GYS2: variants seen among roughly 807,000 people sequenced by gnomAD.
GYS2 encodes glycogen [starch] synthase, liver.
GYS2 carries 80 observed loss-of-function variants against 85.6 expected under a neutral mutation model. The ratio of observed to expected loss-of-function variants is 0.93; its 90% confidence interval spans 0.78 to 1.13. The LOEUF (loss-of-function observed/expected upper bound fraction) is 1.13. Among genes scored for constraint, GYS2 ranks in the 50% most tolerant of loss-of-function variants. GYS2 has a pLI of 0.00. For missense variants in GYS2, 881 were observed against 854.9 expected (o/e 1.03, Z -0.38); for synonymous variants, 328 against 300.7 (o/e 1.09, Z -0.94).
intron 12 of GYS2, among the ~76,000 whole-genome samples, chr12:21,546,063 T>C (rs1029654222): frequency 1.3e-5 from 2 of 152,110 alleles, no homozygotes; most frequent in African/African-American, 2.4e-5. Context: ...AACCTTTATA[T>C]CACATTCCTT....
At position 21,560,479 on chromosome 12, in the gene GYS2, T is replaced by G. The variant is rs905014301; in HGVS notation, c.1076A>C (p.Asp359Ala). 2.0e-6 allele frequency: 3 copies of G among 1,502,008 alleles called. No individual in the cohort carries two copies. Among genetic ancestry groups the G allele is most frequent in the African/African-American group, 1.4e-5 (1 of 73,078 alleles). 93.0% of individuals were successfully genotyped at this position (1,502,008 alleles called of 1,614,324 possible). A position where few individuals can be genotyped will look rare whatever the true frequency, so the allele number is the denominator to read the frequency against. Residue 359 changes from aspartate (D) to alanine (A), a missense_variant, in exon 8 of 16, where the codon GAC becomes GCC. Coordinates refer to ENST00000261195, the MANE Select transcript of GYS2 (RefSeq NM_021957.4). Reference sequence around the variant, plus strand: ...AATGAAAAACACCATCACTGTGATGTCACTTTTATGCATCTGATGAGGAAT... The same window carrying G: ...AATGAAAAACACCATCACTGTGATGGCACTTTTATGCATCTGATGAGGAAT... ...LNFLLRMHKS[D>A]ITVMVFFIMP...
chr12:21,540,430 C>T lies in GYS2; in HGVS notation c.1789G>A (p.Asp597Asn), dbSNP rs750238325. 2.5e-6 allele frequency: 4 copies of T among 1,614,058 alleles called. No individual in the cohort carries two copies. Among genetic ancestry groups the T allele is most frequent in the Non-Finnish European group, 3.4e-6 (4 of 1,179,952 alleles). Reference sequence around the variant, plus strand: ...CTTACTCTGCCTAAGTATCTCCAATCCAGAAGATCTGAGAGCCTCTCAGTT... The same window carrying T: ...CTTACTCTGCCTAAGTATCTCCAATTCAGAAGATCTGAGAGCCTCTCAGTT... ...NRTERLSDLL[D>N]WRYLGRYYQH... The change falls in exon 14 of 16, where the codon GAT becomes AAT. Residue 597 changes from aspartate to asparagine, a missense_variant. Coordinates refer to ENST00000261195, the MANE Select transcript of GYS2 (RefSeq NM_021957.4).
chr12:21,604,035 C>T (rs1393430424), intron 1 of GYS2, among the ~76,000 whole-genome samples: 1 of 152,070 alleles, frequency 6.6e-6, no homozygotes, highest in East Asian at 1.9e-4. Flanking sequence ...ATGAAACATT[C>T]TTAAGCATTT....
downstream of GYS2, chr12:21,535,027 A>G (rs10770827): frequency 0.97 from 148,333 of 152,394 alleles, 72,215 homozygotes; most frequent in East Asian, 1. Context: ...TACAGTGGAG[A>G]GATGGAGTCA....
rs1565598126 is a variant in GYS2 at position 21,558,214 on chromosome 12, T to G, written c.1408A>C (p.Thr470Pro). 6.2e-7 allele frequency: 1 copy of G among 1,601,706 alleles called. No individual in the cohort carries two copies. Among genetic ancestry groups the G allele is most frequent in the Non-Finnish European group, 8.6e-7 (1 of 1,168,670 alleles). The change falls in exon 11 of 16, where the codon ACA becomes CCA. Residue 470 changes from threonine (T) to proline (P), a missense_variant. Physicochemically the swap from Thr to Pro is conservative, Grantham distance 38. Coordinates refer to ENST00000261195, the MANE Select transcript of GYS2 (RefSeq NM_021957.4). ...ATTTGTTCTACCTTGACTCTATCTGTGCGGTTGTTGAAAAGTCCAATCCGT... is the reference window on the plus strand; with the variant it reads ...ATTTGTTCTACCTTGACTCTATCTGGGCGGTTGTTGAAAAGTCCAATCCGT... ...IRRIGLFNNR[T>P]DRVKVILHPE... is the part of the protein sequence containing the mutation.
intron 1 of GYS2, among the ~76,000 whole-genome samples, chr12:21,588,030 G>A (rs927929852): frequency 2.0e-5 from 3 of 152,158 alleles, no homozygotes; most frequent in Non-Finnish European, 4.4e-5. Flanking sequence ...TCACATGTGA[G>A]AATACACAAA....
rs1246706949 is a variant in GYS2, at chr12:21,540,487, A to T, written c.1732T>A (p.Ser578Thr). ...CTCTGGATAATCCTTTGGCGGCGTG[A>T]CTGTTTGCAAAATCCATAGAGAAAC... ...TKFLYGFCKQ[S>T]RRQRIIQRNR... is the part of the protein sequence containing the mutation. Residue 578 changes from serine (S) to threonine (T), a missense_variant, in exon 14 of 16, where the codon TCA (serine) becomes ACA (threonine). By Grantham distance (58) the Ser-to-Thr change is moderately conservative (BLOSUM62 1). Transcript: ENST00000261195. 1 of 1,613,984 alleles carries T rather than the reference A, an allele frequency of 6.2e-7. No individual in the cohort carries two copies. Among genetic ancestry groups the T allele is most frequent in the Admixed American group, 1.7e-5 (1 of 60,010 alleles).
intron 1 of GYS2, among the ~76,000 whole-genome samples, chr12:21,599,174 G>T (rs10841855): frequency 0.21 from 31,659 of 151,374 alleles, 3,852 homozygotes; most frequent in East Asian, 0.31. Flanking sequence ...TCACTATTTT[G>T]TATATGCTTA....
At chr12:21,538,541 GC>G (rs1295297636) in intron 15 of GYS2, among the ~76,000 whole-genome samples, 2 of 152,176 alleles carry the variant, frequency 1.3e-5, no homozygotes, top group Non-Finnish European at 2.9e-5. Flanking sequence ...TGTGGGGCAT[GC>G]AGCTACTAAG....
intron 3 of GYS2, 129 bp from the exon 4 acceptor site, chr12:21,574,455 G>T (rs117006769): frequency 4.3e-6 from 3 of 700,048 alleles, no homozygotes; most frequent in Non-Finnish European, 7.5e-6. Flanking sequence ...GAAACATAAA[G>T]CATGAATATT....
At chr12:21,549,480 C>A (rs1944080903) in intron 11 of GYS2, among the ~76,000 whole-genome samples, 1 of 152,050 alleles carries the variant, frequency 6.6e-6, no homozygotes. Flanking sequence ...ATTCTTAAAC[C>A]CCATTTAAGT....
rs1419127706 is a variant in GYS2, at chr12:21,561,375, C to T, written c.1063-883G>A. Reference sequence around the variant, plus strand: ...ATGTGTTCTGGAAATGACTGACTAGCTCCAGAGTGTGGGGCACTTTACCGT... The same window carrying T: ...ATGTGTTCTGGAAATGACTGACTAGTTCCAGAGTGTGGGGCACTTTACCGT... On this transcript the variant is annotated intron_variant, in intron 7 of 15. Coordinates refer to ENST00000261195, the MANE Select transcript of GYS2 (RefSeq NM_021957.4). Among the ~76,000 whole-genome samples the T allele has an allele frequency of 2.0e-5, 3 of 152,232 alleles. No individual in the cohort carries two copies. The East Asian group carries it at 5.8e-4, about 29-fold the overall frequency.
chr12:21,597,785 T>C (rs1239452435), intron 1 of GYS2, among the ~76,000 whole-genome samples: 2 of 152,132 alleles, frequency 1.3e-5, no homozygotes, highest in Non-Finnish European at 2.9e-5. Flanking sequence ...TTAGCAAAGA[T>C]ATGGAATCAA....
At chr12:21,558,100 A>G in intron 11 of GYS2, 100 bp downstream of exon 11, 1 of 772,744 alleles carries the variant, frequency 1.3e-6, no homozygotes, top group Non-Finnish European at 2.3e-6. Context: ...TACTTAAAAT[A>G]TTTCTTGTAG....
chr12:21,558,618 A>G (rs1365932842), intron 10 of GYS2, among the ~76,000 whole-genome samples: 3 of 152,206 alleles, frequency 2.0e-5, no homozygotes, highest in African/African-American at 7.2e-5. Context: ...GTCTTGACTT[A>G]AGATGAACTT....
At chr12:21,584,557 T>C (rs1333896750) in intron 1 of GYS2, among the ~76,000 whole-genome samples, 6 of 152,126 alleles carry the variant, frequency 3.9e-5, no homozygotes, top group African/African-American at 1.4e-4. Context: ...AACATGGACT[T>C]CCACTCACCA....
rs146449216 is a variant in GYS2 at position 21,590,660 on chromosome 12, G to A, written c.122-10137C>T. 2.8e-3 allele frequency among the ~76,000 whole-genome samples: 429 copies of A among 152,242 alleles called. 3 individuals carry two copies. Among genetic ancestry groups the A allele is most frequent in the African/African-American group, 9.6e-3 (398 of 41,536 alleles). ...GCCACTACTGACACCCAAGCAAACT[G>A]CCTGAAGGCCAAAGAATCAACCCAA... On this transcript the variant is annotated intron_variant, in intron 1 of 15. Transcript: ENST00000261195.
intron 1 of GYS2, among the ~76,000 whole-genome samples, chr12:21,596,473 A>G (rs1358214510): frequency 6.6e-6 from 1 of 152,184 alleles, no homozygotes; most frequent in East Asian, 1.9e-4. Flanking sequence ...GTGATACACC[A>G]CATAAACAGA....
chr12:21,555,191 A>T (rs770799971), intron 11 of GYS2, among the ~76,000 whole-genome samples: 1 of 152,198 alleles, frequency 6.6e-6, no homozygotes, highest in Non-Finnish European at 1.5e-5. Flanking sequence ...AGACAGAAAG[A>T]CCAGCTTAGG....
Sources: allele counts gnomAD v4.1 joint callset (sites outside exome capture counted in the v4.1 genomes callset), GRCh38; gene constraint gnomAD v4.1.1; transcripts MANE v1.5; gene names NCBI Gene and HGNC (gene_info 2026-07-23, HGNC 2026-07-21).